Variants in DOK5 observed in about 807,000 individuals in gnomAD.
DOK5 encodes the protein docking protein 5.
In DOK5, 27 loss-of-function variants were observed where a neutral mutation model predicts 43.3. The ratio of observed to expected loss-of-function variants is 0.62; its 90% CI spans 0.46 to 0.86. The LOEUF is 0.86. Ranked by LOEUF, DOK5 falls within the 40% of genes least tolerant of loss-of-function variation. The pLI is 0.00. For missense variants in DOK5, 373 were observed against 392.9 expected (o/e 0.95, Z 0.43); for synonymous variants, 146 against 140.1 (o/e 1.04, Z -0.30).
intron 5 of DOK5, among the ~76,000 whole-genome samples, chr20:54,596,935 C>T (rs1020277208): frequency 2.6e-5 from 4 of 152,154 alleles, no homozygotes; most frequent in African/African-American, 9.7e-5. Context: ...GATCTCCCCA[C>T]ACTATCTCAG....
intron 1 of DOK5, among the ~76,000 whole-genome samples, chr20:54,491,027 T>C (rs1264788688): frequency 6.6e-6 from 1 of 152,230 alleles, no homozygotes; most frequent in Non-Finnish European, 1.5e-5. Flanking sequence ...CTGACTTCAT[T>C]GTCAGGTCAA....
intron 1 of DOK5, among the ~76,000 whole-genome samples, chr20:54,485,108 G>C (rs963698787): frequency 2.6e-5 from 4 of 152,214 alleles, no homozygotes; most frequent in Admixed American, 1.3e-4. Context: ...GAGGCGGGCA[G>C]ATCACAAGGT....
chr20:54,480,989 A>G (rs977406523), intron 1 of DOK5, among the ~76,000 whole-genome samples: 4 of 26,098 alleles, frequency 1.5e-4, no homozygotes, highest in African/African-American at 3.2e-4. Flanking sequence ...TCTATCATCT[A>G]TCATCTATCT....
chr20:54,548,016 T>C (rs1286857577), intron 1 of DOK5, among the ~76,000 whole-genome samples: 1 of 152,168 alleles, frequency 6.6e-6, no homozygotes, highest in East Asian at 1.9e-4. Context: ...GGTGGGAGAA[T>C]CTGCTACTGG....
At chr20:54,480,494 C>T (rs1981625412) in intron 1 of DOK5, among the ~76,000 whole-genome samples, 1 of 152,208 alleles carries the variant, frequency 6.6e-6, no homozygotes, top group African/African-American at 2.4e-5. Context: ...AATAATCCAT[C>T]CCTTGTTTAG....
At chr20:54,603,523 G>T (rs1490797071) in intron 5 of DOK5, among the ~76,000 whole-genome samples, 1 of 152,170 alleles carries the variant, frequency 6.6e-6, no homozygotes, top group Non-Finnish European at 1.5e-5. Flanking sequence ...CATTACCTGG[G>T]TTCTCCCTTG....
At chr20:54,633,352 T>A (rs1406748837) in intron 6 of DOK5, among the ~76,000 whole-genome samples, 5 of 152,072 alleles carry the variant, frequency 3.3e-5, no homozygotes, top group African/African-American at 9.7e-5. Flanking sequence ...GTAGTGTAGA[T>A]GAGAGCCGAG....
chr20:54,561,711 A>T (rs2146736393), intron 2 of DOK5, among the ~76,000 whole-genome samples: 1 of 152,298 alleles, frequency 6.6e-6, no homozygotes, highest in South Asian at 2.1e-4. Flanking sequence ...GCTGGAGTGC[A>T]ATGGTGCGAT....
At position 54,588,764 on chromosome 20, in the gene DOK5, G is replaced by C. The variant is rs759981209; in HGVS notation, c.367G>C (p.Glu123Gln). ...ACGGATCAATGACATCAGCCTTGGA[G>C]AGCCTGACTTACTGGCCACTGGGGT... is the stretch of plus-strand genomic sequence containing the variant. ...GTRINDISLG[E>Q]PDLLATGVER... Residue 123 changes from glutamate (E) to glutamine (Q), a missense_variant, in exon 4 of 8, where the codon GAG becomes CAG. Transcript: ENST00000262593. The C allele has an allele frequency of 1.8e-5, 29 of 1,614,082 alleles. No homozygotes were observed. The East Asian group carries it at 6.0e-4, about 33-fold the overall frequency.
At chr20:54,567,669 C>T (rs1985142181) in intron 2 of DOK5, among the ~76,000 whole-genome samples, 1 of 152,048 alleles carries the variant, frequency 6.6e-6, no homozygotes, top group African/African-American at 2.4e-5. Flanking sequence ...AATCTAGTGG[C>T]TGTGCCTTTC....
chr20:54,604,442 T>C (rs1361969025), intron 5 of DOK5, among the ~76,000 whole-genome samples: 1 of 152,112 alleles, frequency 6.6e-6, no homozygotes, highest in South Asian at 2.1e-4. Flanking sequence ...TTTCCTTTTT[T>C]AATTGCCGCA....
intron 6 of DOK5, among the ~76,000 whole-genome samples, chr20:54,613,741 C>A (rs1986723417): frequency 6.6e-6 from 1 of 152,020 alleles, no homozygotes; most frequent in South Asian, 2.1e-4. Context: ...CACCTGTAAT[C>A]CCAATATTTT....
At chr20:54,505,668 G>T (rs777845959) in intron 1 of DOK5, among the ~76,000 whole-genome samples, 1 of 152,038 alleles carries the variant, frequency 6.6e-6, no homozygotes, top group Non-Finnish European at 1.5e-5. Context: ...GAAAGAGAGA[G>T]TATAGGGGGT....
intron 1 of DOK5, among the ~76,000 whole-genome samples, chr20:54,534,762 C>G (rs1451860893): frequency 2.0e-5 from 3 of 152,108 alleles, no homozygotes; most frequent in Non-Finnish European, 4.4e-5. Flanking sequence ...ACAAAAACAC[C>G]TTGCAGATGC....
intron 1 of DOK5, among the ~76,000 whole-genome samples, chr20:54,507,066 C>A (rs966948165): frequency 6.6e-6 from 1 of 152,132 alleles, no homozygotes; most frequent in Non-Finnish European, 1.5e-5. Flanking sequence ...GTTAGTATAA[C>A]ATAAAGGATT....
intron 1 of DOK5, among the ~76,000 whole-genome samples, chr20:54,531,206 A>G (rs1983760145): frequency 6.6e-6 from 1 of 152,082 alleles, no homozygotes; most frequent in Non-Finnish European, 1.5e-5. Context: ...TGTTAGTGTC[A>G]CTCCACTTTC....
chr20:54,541,897 G>A (rs956906102), intron 1 of DOK5, among the ~76,000 whole-genome samples: 2 of 151,700 alleles, frequency 1.3e-5, no homozygotes, highest in Admixed American at 6.6e-5. Flanking sequence ...CTTCCACCTA[G>A]AGCCCACCTC....
At chr20:54,556,236 C>G (rs182716155) in intron 2 of DOK5, among the ~76,000 whole-genome samples, 4 of 152,280 alleles carry the variant, frequency 2.6e-5, no homozygotes, top group African/African-American at 9.6e-5. Context: ...CAAGGCTTCT[C>G]CCACTCCCAG....
At chr20:54,649,416 CAAATA>C (rs139528756) in intron 7 of DOK5, among the ~76,000 whole-genome samples, 1 of 151,926 alleles carries the variant, frequency 6.6e-6, no homozygotes, top group African/African-American at 2.4e-5. Context: ...AAAATACATA[CAAATA>C]AAATAAAATA....
Sources: gnomAD v4.1 joint callset for allele counts (sites outside exome capture counted in the v4.1 genomes callset) on GRCh38, gnomAD v4.1.1 for gene constraint, MANE v1.5 for transcripts, NCBI Gene and HGNC (gene_info 2026-07-23, HGNC 2026-07-21) for gene names.